The following ENPP1 variants were observed in gnomAD, a reference collection of about 807,000 sequenced individuals.
The protein encoded by ENPP1 is ectonucleotide pyrophosphatase/phosphodiesterase 1.
A neutral mutation model predicts 122.8 loss-of-function variants in ENPP1; 73 were observed. The ratio of observed to expected loss-of-function variants is 0.59; its 90% CI spans 0.49 to 0.72. The LOEUF (loss-of-function observed/expected upper bound fraction) is 0.72. ENPP1 is among the 30% of genes least tolerant of loss of function. The pLI, the probability that ENPP1 is intolerant of heterozygous loss-of-function variation, is 0.00. For missense variants in ENPP1, 978 were observed against 1,128.1 expected (o/e 0.87, Z 1.91); for synonymous variants, 367 against 391.6 (o/e 0.94, Z 0.74).
At chr6:131,831,132 A>AG (rs908862022) in intron 1 of ENPP1, among the ~76,000 whole-genome samples, 4 of 151,220 alleles carry the variant, frequency 2.6e-5, no homozygotes, top group African/African-American at 7.3e-5. Context: ...AAAAAAAAAA[A>AG]AAAAAGAAAA....
intron 1 of ENPP1, among the ~76,000 whole-genome samples, chr6:131,842,587 A>ATCTC (rs1342482275): frequency 6.6e-6 from 1 of 151,924 alleles, no homozygotes; most frequent in African/African-American, 2.4e-5. Flanking sequence ...TTTTCTCCAA[A>ATCTC]TCTCTCTTTG....
chr6:131,872,857 A>C (rs1782179844), intron 14 of ENPP1, 66 bp from the exon 15 acceptor site: 3 of 1,507,742 alleles, frequency 2.0e-6, no homozygotes. Flanking sequence ...ATCTTTCCCT[A>C]AAAAAGTTGA....
At chr6:131,825,174 G>A (rs1781531827) in intron 1 of ENPP1, among the ~76,000 whole-genome samples, 1 of 151,858 alleles carries the variant, frequency 6.6e-6, no homozygotes. Context: ...ATTTACTTTT[G>A]GAAAAATCAT....
chr6:131,866,134 G>A (rs1410960933), intron 11 of ENPP1, among the ~76,000 whole-genome samples: 1 of 152,056 alleles, frequency 6.6e-6, no homozygotes, highest in African/African-American at 2.4e-5. Flanking sequence ...ACTATTTTGG[G>A]TCATGAAAAA....
intron 1 of ENPP1, among the ~76,000 whole-genome samples, chr6:131,821,694 T>C (rs1173546339): frequency 6.6e-6 from 1 of 152,200 alleles, no homozygotes; most frequent in Non-Finnish European, 1.5e-5. Context: ...CCTGATAACA[T>C]TCAGATGTTT....
intron 1 of ENPP1, among the ~76,000 whole-genome samples, chr6:131,844,049 G>T (rs1435806859): frequency 1.3e-5 from 2 of 152,144 alleles, no homozygotes; most frequent in African/African-American, 2.4e-5. Context: ...CCCTCTGAGA[G>T]TATTTTATTG....
At chr6:131,835,295 A>G (rs973043279) in intron 1 of ENPP1, among the ~76,000 whole-genome samples, 1 of 152,110 alleles carries the variant, frequency 6.6e-6, no homozygotes, top group Non-Finnish European at 1.5e-5. Context: ...TATTTTGTCA[A>G]TTGTCATTAC....
In ENPP1 at chr6:131,893,421, C is replaced by T. The variant is rs1377713827; in HGVS notation, c.*2910C>T. Reference sequence around the variant, plus strand: ...TTCTTGGTAGTAGAGGCAGTGGCTTCCCAGCCTTGGGGCTAAGGCTTGTAG... The same window carrying T: ...TTCTTGGTAGTAGAGGCAGTGGCTTTCCAGCCTTGGGGCTAAGGCTTGTAG... On this transcript the variant is annotated 3_prime_UTR_variant, in exon 25 of 25. Coordinates refer to ENST00000647893, the MANE Select transcript of ENPP1 (RefSeq NM_006208.3). 1 of 152,236 alleles carries T rather than the reference C, an allele frequency of 6.6e-6. No individual in the cohort carries two copies. Among genetic ancestry groups the T allele is most frequent in the Non-Finnish European group, 1.5e-5 (1 of 68,070 alleles). 9.4% of individuals were successfully genotyped at this position (152,236 alleles called of 1,614,324 possible).
At position 131,860,445 on chromosome 6, in the gene ENPP1, A is replaced by G; in HGVS notation, c.854A>G (p.Asn285Ser). The G allele has an allele frequency of 1.9e-6, 3 of 1,593,118 alleles. No individual in the cohort carries two copies. Among genetic ancestry groups the G allele is most frequent in the Non-Finnish European group, 2.6e-6 (3 of 1,161,462 alleles). The change falls in exon 8 of 25, where the codon AAT (asparagine) becomes AGT (serine). Residue 285 changes from asparagine (N) to serine (S), a missense_variant. Physicochemically the swap from Asn to Ser is conservative, Grantham distance 46 (BLOSUM62 1). This residue lies in a region of ENPP1 where 644 missense variants were observed against 781.5 expected (regional missense o/e 0.82). Transcript: ENST00000647893. ...AATAAAATGTATGATCCCAAAATGA[A>G]TGCTTCCTTTTCACTTAAAAGTAAA... is the stretch of plus-strand genomic sequence containing the variant. Reference protein sequence around the residue: ...IDNKMYDPKMNASFSLKSKEK... With the variant: ...IDNKMYDPKMSASFSLKSKEK...
chr6:131,851,986 T>C (rs1347758392), intron 4 of ENPP1, among the ~76,000 whole-genome samples, 189 bp from the exon 5 acceptor site: 13 of 152,186 alleles, frequency 8.5e-5, no homozygotes, highest in Non-Finnish European at 1.9e-4. Context: ...ATTCCTGATA[T>C]CAACTAACTC....
At chr6:131,849,674 CTT>C (rs1197817663) in intron 2 of ENPP1, among the ~76,000 whole-genome samples, 1 of 152,144 alleles carries the variant, frequency 6.6e-6, no homozygotes, top group Non-Finnish European at 1.5e-5. Context: ...TTTATTCTGA[CTT>C]TTATTTTATC....
intron 16 of ENPP1, 139 bp downstream of exon 16, chr6:131,874,476 T>G: frequency 1.6e-6 from 1 of 622,692 alleles, no homozygotes; most frequent in South Asian, 2.0e-5. Context: ...TATTTTTCTT[T>G]GAACATTAAA....
chr6:131,858,558 C>A, intron 6 of ENPP1, 110 bp from the exon 7 acceptor site: 1 of 715,612 alleles, frequency 1.4e-6, no homozygotes, highest in Non-Finnish European at 2.5e-6. Context: ...TAAAATCCCT[C>A]CTGGGCTAAT....
At position 131,861,801 on chromosome 6, in the gene ENPP1, GAT is replaced by G. The variant is rs563534654; in HGVS notation, c.1025+100_1025+101del. 5.2e-4 allele frequency: 392 copies of G among 752,378 alleles called. 4 individuals carry two copies. Among genetic ancestry groups the G allele is most frequent in the South Asian group, 4.9e-3 (334 of 68,278 alleles). The allele number at this position is 752,378 out of a possible 1,614,324, so 46.6% of individuals were successfully genotyped here. On this transcript the variant is annotated intron_variant, in intron 9 of 24. Coordinates refer to ENST00000647893, the MANE Select transcript of ENPP1 (RefSeq NM_006208.3). ...GAATCCTGAGCTTTAGCATTTGAGT[GAT>G]ATGTTGGCTGAAAAATGAGAACTGA...
chr6:131,820,032 T>C, intron 1 of ENPP1: 1 of 555,596 alleles, frequency 1.8e-6, no homozygotes, highest in Non-Finnish European at 3.5e-6. Flanking sequence ...TTATCAAAGA[T>C]AATCTCCATG....
intron 24 of ENPP1, among the ~76,000 whole-genome samples, 156 bp from the exon 25 acceptor site, chr6:131,890,185 T>C (rs552688716): frequency 6.6e-6 from 1 of 152,346 alleles, no homozygotes; most frequent in Non-Finnish European, 1.5e-5. Flanking sequence ...GAAGGAAAGC[T>C]ACTCAAGAGG....
In ENPP1 at chr6:131,869,410, G is replaced by C. The variant is rs1484076974; in HGVS notation, c.1326G>C (p.Gly442=). 1 of 1,612,044 alleles carries C rather than the reference G, an allele frequency of 6.2e-7. No individual in the cohort carries two copies. The highest frequency in any genetic ancestry group is 8.5e-7 in the Non-Finnish European group (1 of 1,178,340). ...ACATATATCTGAATAAATATTTGGG[G>C]GATGTTAAAAATATTAAAGTTATCT... The part of the protein sequence containing the change: ...KKYIYLNKYL[G]DVKNIKVIYG... Residue 442 remains glycine, a synonymous_variant, in exon 13 of 25, where the codon GGG becomes GGC. Transcript: ENST00000647893.
At chr6:131,861,775 T>G in intron 9 of ENPP1, 71 bp downstream of exon 9, 1 of 874,992 alleles carries the variant, frequency 1.1e-6, no homozygotes, top group Non-Finnish European at 1.9e-6. Context: ...TCCTTTTTAT[T>G]GAATCCTGAG....
chr6:131,832,057 T>C (rs1385042054), intron 1 of ENPP1, among the ~76,000 whole-genome samples: 1 of 152,198 alleles, frequency 6.6e-6, no homozygotes, highest in Non-Finnish European at 1.5e-5. Flanking sequence ...GTTCCAGCCA[T>C]GGCCACTTGG....
Sources: allele counts gnomAD v4.1 joint callset (sites outside exome capture counted in the v4.1 genomes callset), GRCh38; gene constraint gnomAD v4.1.1; regional missense constraint gnomAD v4.1.1; transcripts MANE v1.5; gene names NCBI Gene and HGNC (gene_info 2026-07-23, HGNC 2026-07-21).